Variants in CNTN6 observed in about 807,000 individuals in gnomAD.
The protein encoded by CNTN6 is contactin-6.
A neutral mutation model predicts 122.8 loss-of-function variants in CNTN6; 137 were observed. The ratio of observed to expected loss-of-function variants is 1.12; its 90% CI spans 0.97 to 1.29. The LOEUF (loss-of-function observed/expected upper bound fraction) is 1.29, where lower values mean the gene tolerates loss of function less well. Among genes scored for constraint, CNTN6 ranks in the 50% most tolerant of loss-of-function variants. CNTN6 has a pLI of 0.00. For missense variants in CNTN6, 1,634 were observed against 1,223.4 expected, an observed-to-expected ratio of 1.34 and a Z score of -5.01; for synonymous variants, 570 against 426.0, an observed-to-expected ratio of 1.34 and a Z score of -4.16.
At chr3:1,399,288 T>C (rs1411862415) in intron 20 of CNTN6, among the ~76,000 whole-genome samples, 1 of 152,120 alleles carries the variant, frequency 6.6e-6, no homozygotes. Flanking sequence ...TTATATCTTT[T>C]ATAGCTGAGA....
At chr3:1,331,492 G>C (rs1393289269) in intron 11 of CNTN6, among the ~76,000 whole-genome samples, 1 of 151,974 alleles carries the variant, frequency 6.6e-6, no homozygotes, top group Non-Finnish European at 1.5e-5. Flanking sequence ...GACTCAGGTT[G>C]GGTCTCTTCT....
chr3:1,346,483 C>T (rs140167872), intron 11 of CNTN6, among the ~76,000 whole-genome samples: 58 of 152,132 alleles, frequency 3.8e-4, no homozygotes, highest in African/African-American at 1.1e-3. Flanking sequence ...TGCTAGACAG[C>T]GTTTTAAAAG....
Position 1,227,809 on chromosome 3 carries a change from TC to T in CNTN6, c.183-7del. 6.2e-7 allele frequency: 1 copy of T among 1,612,198 alleles called. No individual in the cohort carries two copies. The highest frequency in any genetic ancestry group is 1.7e-5 in the Admixed American group (1 of 59,598). On this transcript the variant is annotated splice_region_variant and splice_polypyrimidine_tract_variant and intron_variant, in intron 3 of 22. Coordinates refer to ENST00000446702, the MANE Select transcript of CNTN6 (RefSeq NM_001289080.2). ...TATTATAAGCACTTTATTTTTTTTT[TC>T]CTTGAAGGTGGAAGCAAAATGGCAC...
At chr3:1,140,760 T>C (rs534728746) in intron 1 of CNTN6, among the ~76,000 whole-genome samples, 10 of 152,306 alleles carry the variant, frequency 6.6e-5, no homozygotes, top group Admixed American at 2.6e-4. Context: ...CATATTTGCA[T>C]TTATTTCATG....
intron 1 of CNTN6, among the ~76,000 whole-genome samples, chr3:1,099,391 C>CA (rs1168960562): frequency 6.6e-6 from 1 of 152,022 alleles, no homozygotes; most frequent in Non-Finnish European, 1.5e-5. Context: ...GCGGAGCTTG[C>CA]AGTGAGCCGA....
intron 4 of CNTN6, among the ~76,000 whole-genome samples, chr3:1,245,301 T>TAAA (rs1221599572): frequency 1.7e-4 from 1 of 5,998 alleles, no homozygotes; most frequent in African/African-American, 5.3e-4. Context: ...ATAACATATA[T>TAAA]ATATATATAT....
At chr3:1,290,574 G>A (rs1279137815) in intron 5 of CNTN6, among the ~76,000 whole-genome samples, 1 of 152,198 alleles carries the variant, frequency 6.6e-6, no homozygotes, top group Non-Finnish European at 1.5e-5. Flanking sequence ...TCTTGTACAA[G>A]AAAGAATTCA....
chr3:1,399,862 A>T (rs986460762), intron 20 of CNTN6, among the ~76,000 whole-genome samples: 3 of 152,130 alleles, frequency 2.0e-5, no homozygotes, highest in Non-Finnish European at 4.4e-5. Flanking sequence ...ATAAATGTAA[A>T]CCAATGTGAT....
chr3:1,247,410 T>C (rs371613728), intron 4 of CNTN6, among the ~76,000 whole-genome samples: 1 of 151,956 alleles, frequency 6.6e-6, no homozygotes, highest in Non-Finnish European at 1.5e-5. Flanking sequence ...AGTCTTACAA[T>C]AAGTCTTAAT....
intron 2 of CNTN6, among the ~76,000 whole-genome samples, chr3:1,207,347 C>T (rs916503603): frequency 1.3e-4 from 20 of 152,046 alleles, no homozygotes; most frequent in Admixed American, 2.0e-4. Flanking sequence ...ATCTAGAATC[C>T]AATTATTATA....
chr3:1,251,183 C>T (rs1040631548), intron 4 of CNTN6, among the ~76,000 whole-genome samples: 2 of 152,044 alleles, frequency 1.3e-5, no homozygotes, highest in Admixed American at 6.6e-5. Context: ...CGTTCTGTTG[C>T]CCTTGTTTAT....
In CNTN6 at chr3:1,373,699, A is replaced by T; in HGVS notation, c.1882A>T (p.Ile628Phe). 2 of 1,613,138 alleles carry T rather than the reference A, an allele frequency of 1.2e-6. No individual in the cohort carries two copies. The highest frequency in any genetic ancestry group is 1.7e-6 in the Non-Finnish European group (2 of 1,179,354). ...AGCAGGCCCAGATAATAACAGTCCCATTCAAATATTTACTATTCAGACTCG... is the reference window on the plus strand; with the variant it reads ...AGCAGGCCCAGATAATAACAGTCCCTTTCAAATATTTACTATTCAGACTCG... ...WRAGPDNNSP[I>F]QIFTIQTRTP... is the part of the protein sequence containing the mutation. The change falls in exon 15 of 23, where the codon ATT becomes TTT. Residue 628 changes from isoleucine (I) to phenylalanine (F), a missense_variant. By Grantham distance (21) the Ile-to-Phe change is conservative. Transcript: ENST00000446702.
chr3:1,137,551 T>A (rs1437187146), intron 1 of CNTN6, among the ~76,000 whole-genome samples: 1 of 152,158 alleles, frequency 6.6e-6, no homozygotes, highest in East Asian at 1.9e-4. Context: ...TCCTACTTGA[T>A]CAGAAATATT....
At chr3:1,321,009 T>A (rs940475790) in intron 7 of CNTN6, among the ~76,000 whole-genome samples, 47 of 151,772 alleles carry the variant, frequency 3.1e-4, no homozygotes, top group Admixed American at 1.5e-3. Context: ...TACTTTTTTT[T>A]AAATCGTATA....
At chr3:1,158,969 C>CACATATAT (rs1553610778) in intron 2 of CNTN6, among the ~76,000 whole-genome samples, 3 of 112,966 alleles carry the variant, frequency 2.7e-5, no homozygotes, top group Non-Finnish European at 5.4e-5. Context: ...CACACACACA[C>CACATATAT]ATATATATAT....
At chr3:1,154,594 C>T in intron 2 of CNTN6, among the ~76,000 whole-genome samples, 1 of 151,990 alleles carries the variant, frequency 6.6e-6, no homozygotes, top group Non-Finnish European at 1.5e-5. Context: ...CGGGCATGCA[C>T]CACCACACCT....
intron 12 of CNTN6, among the ~76,000 whole-genome samples, chr3:1,355,807 A>G (rs1367422741): frequency 6.6e-6 from 1 of 151,860 alleles, no homozygotes; most frequent in Non-Finnish European, 1.5e-5. Context: ...TGTTGTTGTT[A>G]GATAACATGG....
chr3:1,388,143 T>C (rs1693405685), intron 20 of CNTN6, among the ~76,000 whole-genome samples: 3 of 151,924 alleles, frequency 2.0e-5, no homozygotes, highest in Admixed American at 2.0e-4. Flanking sequence ...CAGTAACGTC[T>C]GCAGAGTTAA....
At chr3:1,365,383 A>C (rs1482335170) in intron 12 of CNTN6, among the ~76,000 whole-genome samples, 1 of 152,024 alleles carries the variant, frequency 6.6e-6, no homozygotes. Context: ...TAGAATTCAA[A>C]TTTCCATAAT....
Sources: gnomAD v4.1 joint callset for allele counts (sites outside exome capture counted in the v4.1 genomes callset) on GRCh38, gnomAD v4.1.1 for gene constraint, MANE v1.5 for transcripts, NCBI Gene and HGNC (gene_info 2026-07-23, HGNC 2026-07-21) for gene names.